The following PTPRD variants were observed in gnomAD, a reference collection of about 807,000 sequenced individuals.
PTPRD encodes protein tyrosine phosphatase receptor type D.
Under a neutral mutation model 214.5 loss-of-function variants are expected in PTPRD, and 34 were observed. The observed-to-expected ratio is 0.16, with a 90% confidence interval of 0.12 to 0.21. PTPRD has a LOEUF of 0.21. PTPRD is among the 10% of genes least tolerant of loss of function. The pLI, the probability that PTPRD is intolerant of heterozygous loss-of-function variation, is 1.00. For missense variants in PTPRD, 2,545 were observed against 2,398.7 expected, an observed-to-expected ratio of 1.06 and a Z score of -1.27; for synonymous variants, 1,128 against 845.7, an observed-to-expected ratio of 1.33 and a Z score of -5.79.
chr9:10,356,869 G>A (rs564157296), intron 2 of PTPRD, among the ~76,000 whole-genome samples: 5 of 151,298 alleles, frequency 3.3e-5, no homozygotes, highest in East Asian at 2.0e-4. Flanking sequence ...TAGTAGAGAC[G>A]GGGGTTTCAC....
chr9:8,526,493 A>G (rs10977181), intron 17 of PTPRD, 134 bp downstream of exon 17: 57,649 of 577,692 alleles, frequency 0.1, 3,546 homozygotes, highest in East Asian at 0.22. Flanking sequence ...GATCATAACC[A>G]AACAGTACAA....
chr9:9,492,693 T>C (rs62533228), intron 8 of PTPRD, among the ~76,000 whole-genome samples: 13,894 of 151,660 alleles, frequency 0.092, 680 homozygotes, highest in South Asian at 0.14. Context: ...CTTGTTTTAT[T>C]ATGGTTCACT....
chr9:8,798,649 T>G (rs989245186), intron 11 of PTPRD, among the ~76,000 whole-genome samples: 1 of 152,248 alleles, frequency 6.6e-6, no homozygotes, highest in Admixed American at 6.5e-5. Context: ...ATTAAGCATC[T>G]ACTCTACGTT....
At chr9:9,166,523 C>G (rs2099904348) in intron 10 of PTPRD, among the ~76,000 whole-genome samples, 1 of 152,056 alleles carries the variant, frequency 6.6e-6, no homozygotes, top group Non-Finnish European at 1.5e-5. Context: ...AAAGTGGTCC[C>G]AAGGAAATGC....
At chr9:8,860,082 C>A (rs1455585338) in intron 11 of PTPRD, 1 of 152,192 alleles carries the variant, frequency 6.6e-6, no homozygotes, top group African/African-American at 2.4e-5. Flanking sequence ...TTTGTCATTG[C>A]CACATGTGCC....
intron 8 of PTPRD, among the ~76,000 whole-genome samples, chr9:9,473,458 T>C (rs2094779155): frequency 6.6e-6 from 1 of 152,180 alleles, no homozygotes; most frequent in South Asian, 2.1e-4. Flanking sequence ...CTCTTTGATA[T>C]ATTGATTTTC....
chr9:9,517,625 T>C (rs1215601558), intron 8 of PTPRD, among the ~76,000 whole-genome samples: 5 of 152,054 alleles, frequency 3.3e-5, no homozygotes, highest in Non-Finnish European at 4.4e-5. Flanking sequence ...AGTGAAACAT[T>C]AGAATCCAAT....
At chr9:9,083,071 C>A (rs1191898705) in intron 10 of PTPRD, among the ~76,000 whole-genome samples, 1 of 152,066 alleles carries the variant, frequency 6.6e-6, no homozygotes, top group East Asian at 1.9e-4. Flanking sequence ...CATATGGAAC[C>A]AGAAAAGAAC....
intron 12 of PTPRD, among the ~76,000 whole-genome samples, chr9:8,648,181 G>T (rs1002606329): frequency 2.6e-5 from 4 of 152,154 alleles, no homozygotes; most frequent in African/African-American, 7.2e-5. Flanking sequence ...ATAATTCAAG[G>T]TATAATAATA....
intron 11 of PTPRD, among the ~76,000 whole-genome samples, chr9:8,925,000 T>C (rs1298603180): frequency 6.6e-6 from 1 of 152,130 alleles, no homozygotes; most frequent in African/African-American, 2.4e-5. Flanking sequence ...ATATGTTATA[T>C]TCCGTAAATA....
chr9:9,425,831 T>A (rs72702584), intron 8 of PTPRD, among the ~76,000 whole-genome samples: 9,462 of 151,962 alleles, frequency 0.062, 331 homozygotes, highest in Middle Eastern at 0.17. Flanking sequence ...GAAGAGGAGA[T>A]AAAAATAGTG....
At chr9:8,771,406 T>A (rs1220125167) in intron 11 of PTPRD, among the ~76,000 whole-genome samples, 2 of 152,204 alleles carry the variant, frequency 1.3e-5, no homozygotes, top group Non-Finnish European at 2.9e-5. Context: ...AAGTGTTTTA[T>A]TCCTTAATAT....
intron 7 of PTPRD, among the ~76,000 whole-genome samples, chr9:9,578,765 G>T (rs1008859837): frequency 1.3e-5 from 2 of 151,946 alleles, no homozygotes; most frequent in African/African-American, 4.8e-5. Flanking sequence ...GCCAACAATT[G>T]CCTGAATAAA....
At chr9:8,828,927 A>G (rs2097227690) in intron 11 of PTPRD, among the ~76,000 whole-genome samples, 1 of 152,188 alleles carries the variant, frequency 6.6e-6, no homozygotes, top group African/African-American at 2.4e-5. Flanking sequence ...TATGTGGACA[A>G]CAGTGTTCCA....
intron 3 of PTPRD, among the ~76,000 whole-genome samples, chr9:10,299,735 C>A (rs185414231): frequency 6.6e-6 from 1 of 152,210 alleles, no homozygotes; most frequent in African/African-American, 2.4e-5. Context: ...GAAGCAGATA[C>A]ATTTAGAACT....
intron 8 of PTPRD, among the ~76,000 whole-genome samples, chr9:9,537,822 T>C (rs992030589): frequency 3.9e-5 from 6 of 151,996 alleles, no homozygotes; most frequent in African/African-American, 1.2e-4. Flanking sequence ...TTACCCTTTG[T>C]GTTCAGTCAC....
intron 20 of PTPRD, 126 bp downstream of exon 20, chr9:8,521,151 G>T (rs1360243433): frequency 7.9e-6 from 9 of 1,140,322 alleles, no homozygotes; most frequent in Non-Finnish European, 1.1e-5. Context: ...ATATGATTAG[G>T]TTATACACAC....
chr9:9,762,433 G>T (rs2098666665), intron 6 of PTPRD, among the ~76,000 whole-genome samples: 1 of 151,970 alleles, frequency 6.6e-6, no homozygotes, highest in Non-Finnish European at 1.5e-5. Context: ...AAATCTTTAG[G>T]TTTGGTTCCT....
chr9:10,457,720 T>C (rs1415208536), intron 2 of PTPRD, among the ~76,000 whole-genome samples: 1 of 152,072 alleles, frequency 6.6e-6, no homozygotes, highest in East Asian at 1.9e-4. Flanking sequence ...TGAGTGTTCC[T>C]ATTTCTGTTT....
Sources: gnomAD v4.1 joint callset for allele counts (sites outside exome capture counted in the v4.1 genomes callset) on GRCh38, gnomAD v4.1.1 for gene constraint, MANE v1.5 for transcripts, NCBI Gene and HGNC (gene_info 2026-07-23, HGNC 2026-07-21) for gene names.